The following RASEF variants were observed in gnomAD, a reference collection of about 807,000 sequenced individuals.
RASEF encodes ras and EF-hand domain-containing protein.
A neutral mutation model predicts 90.1 loss-of-function variants in RASEF; 68 were observed. The observed-to-expected ratio is 0.75, with a 90% CI of 0.62 to 0.92. The LOEUF (loss-of-function observed/expected upper bound fraction) is 0.92. Among genes scored for constraint, RASEF ranks in the 40% least tolerant of loss-of-function variants. The pLI, the probability that RASEF is intolerant of heterozygous loss-of-function variation, is 0.00. For synonymous variants in RASEF, 331 were observed against 345.2 expected, an observed-to-expected ratio of 0.96 and a Z score of 0.46; for missense variants, 949 against 937.2, an observed-to-expected ratio of 1.01 and a Z score of -0.16.
chr9:82,996,903 T>C (rs1039027797), intron 14 of RASEF, 109 bp downstream of exon 14: 2 of 672,860 alleles, frequency 3.0e-6, no homozygotes, highest in Non-Finnish European at 5.4e-6. Flanking sequence ...ATGGCTTGGA[T>C]CAATGGTTCC....
At chr9:83,084,589 C>T in the RASEF span, among the ~76,000 whole-genome samples, 1 of 152,126 alleles carries the variant, frequency 6.6e-6, no homozygotes, top group Non-Finnish European at 1.5e-5. Flanking sequence ...CTATTGGCAA[C>T]CATAAACTGT....
At chr9:83,185,536 G>C in the RASEF span, among the ~76,000 whole-genome samples, 145 of 152,040 alleles carry the variant, frequency 9.5e-4, no homozygotes, top group Non-Finnish European at 1.9e-3. Context: ...TTTGAAGCAC[G>C]ATTTCTGGTA....
At chr9:83,088,366 A>G in the RASEF span, among the ~76,000 whole-genome samples, 3 of 122,920 alleles carry the variant, frequency 2.4e-5, no homozygotes, top group Admixed American at 9.2e-5. Context: ...AGAGATATAG[A>G]TAGATGGATA....
the RASEF span, among the ~76,000 whole-genome samples, chr9:83,139,750 T>C: frequency 1.3e-5 from 2 of 152,168 alleles, no homozygotes; most frequent in East Asian, 3.8e-4. Flanking sequence ...GCAGAAAATG[T>C]ATTTTTCTGA....
the RASEF span, among the ~76,000 whole-genome samples, chr9:83,194,690 C>T: frequency 2.6e-5 from 4 of 152,126 alleles, no homozygotes; most frequent in Non-Finnish European, 5.9e-5. Flanking sequence ...TCTCTTCTCC[C>T]CCGTTTATTT....
chr9:83,211,878 G>A, the RASEF span, among the ~76,000 whole-genome samples: 3 of 152,062 alleles, frequency 2.0e-5, no homozygotes, highest in Admixed American at 1.3e-4. Context: ...GAAGCCCAGC[G>A]CTCTTTCCAC....
chr9:83,126,920 G>A, the RASEF span, among the ~76,000 whole-genome samples: 1 of 152,180 alleles, frequency 6.6e-6, no homozygotes, highest in East Asian at 1.9e-4. Flanking sequence ...TCCCAGCGCT[G>A]CTTGTTTTGC....
At chr9:83,182,768 G>T in the RASEF span, among the ~76,000 whole-genome samples, 1 of 152,074 alleles carries the variant, frequency 6.6e-6, no homozygotes, top group Non-Finnish European at 1.5e-5. Flanking sequence ...TTTACGTTTG[G>T]TGAAAAAAGT....
the RASEF span, among the ~76,000 whole-genome samples, chr9:83,075,025 C>T: frequency 6.6e-6 from 1 of 152,186 alleles, no homozygotes; most frequent in African/African-American, 2.4e-5. Flanking sequence ...TGACCATCAT[C>T]TGCATAACCT....
the RASEF span, among the ~76,000 whole-genome samples, chr9:83,158,813 T>TAC: frequency 6.6e-5 from 10 of 150,622 alleles, no homozygotes; most frequent in Non-Finnish European, 8.9e-5. Context: ...AATATATATA[T>TAC]ACACACACAC....
At chr9:83,157,557 C>T in the RASEF span, among the ~76,000 whole-genome samples, 1 of 152,192 alleles carries the variant, frequency 6.6e-6, no homozygotes, top group Non-Finnish European at 1.5e-5. Flanking sequence ...GCCTCTAGAA[C>T]TGTGAGCTAA....
chr9:83,135,745 T>C, the RASEF span, among the ~76,000 whole-genome samples: 1 of 152,154 alleles, frequency 6.6e-6, no homozygotes, highest in Admixed American at 6.6e-5. Flanking sequence ...CTAAGCCCCA[T>C]GCTCTGTATG....
the RASEF span, among the ~76,000 whole-genome samples, chr9:83,188,930 C>A: frequency 6.6e-6 from 1 of 152,196 alleles, no homozygotes; most frequent in Non-Finnish European, 1.5e-5. Flanking sequence ...GGAGAGACCC[C>A]AGCCACAGTT....
At chr9:83,101,277 C>T in the RASEF span, among the ~76,000 whole-genome samples, 1 of 152,158 alleles carries the variant, frequency 6.6e-6, no homozygotes, top group Admixed American at 6.5e-5. Context: ...ATAAATTTTC[C>T]AGGTTCCTGA....
At chr9:83,185,102 A>G in the RASEF span, among the ~76,000 whole-genome samples, 7 of 152,174 alleles carry the variant, frequency 4.6e-5, no homozygotes, top group Non-Finnish European at 7.3e-5. Context: ...CAAAGCCTGA[A>G]TCCCAAAACA....
chr9:83,150,879 C>T, the RASEF span, among the ~76,000 whole-genome samples: 1 of 152,202 alleles, frequency 6.6e-6, no homozygotes, highest in African/African-American at 2.4e-5. Flanking sequence ...GTGAGCTCCT[C>T]TGATCCCAAA....
At chr9:83,123,994 T>A in the RASEF span, among the ~76,000 whole-genome samples, 1 of 152,166 alleles carries the variant, frequency 6.6e-6, no homozygotes, top group South Asian at 2.1e-4. Context: ...TTTCTACTTT[T>A]TGTCTTATGA....
At chr9:83,018,209 T>C (rs1236015339) in intron 3 of RASEF, among the ~76,000 whole-genome samples, 1 of 100,694 alleles carries the variant, frequency 9.9e-6, no homozygotes, top group African/African-American at 5.3e-5. Flanking sequence ...ATATATTTCA[T>C]AATCATCCTA....
At chr9:83,183,296 GT>G in the RASEF span, among the ~76,000 whole-genome samples, 1 of 146,040 alleles carries the variant, frequency 6.8e-6, no homozygotes, top group African/African-American at 2.6e-5. Flanking sequence ...ACAAATTTGT[GT>G]TTTTGTGGAA....
Sources: gnomAD v4.1 joint callset for allele counts (sites outside exome capture counted in the v4.1 genomes callset) on GRCh38, gnomAD v4.1.1 for gene constraint, MANE v1.5 for transcripts, NCBI Gene and HGNC (gene_info 2026-07-23, HGNC 2026-07-21) for gene names.